The following RANBP17 variants were observed in gnomAD, a reference collection of about 807,000 sequenced individuals.
RANBP17 encodes the protein RAN binding protein 17.
A neutral mutation model predicts 141.2 loss-of-function variants in RANBP17; 158 were observed. That is an observed-to-expected ratio of 1.12 (90% confidence interval 0.98 to 1.28). RANBP17 has a LOEUF of 1.28. Among genes scored for constraint, RANBP17 ranks in the 50% most tolerant of loss-of-function variants. The pLI is 0.00. For missense variants in RANBP17, 1,438 were observed against 1,290.7 expected, an observed-to-expected ratio of 1.11 and a Z score of -1.75; for synonymous variants, 430 against 450.0, an observed-to-expected ratio of 0.96 and a Z score of 0.56.
chr5:170,895,699 C>T (rs1384633591), intron 4 of RANBP17, among the ~76,000 whole-genome samples: 1 of 152,058 alleles, frequency 6.6e-6, no homozygotes, highest in African/African-American at 2.4e-5. Context: ...TATTCTTATT[C>T]TTGGTCTTAT....
chr5:171,138,548 A>G (rs999550793), intron 14 of RANBP17, among the ~76,000 whole-genome samples: 3 of 151,896 alleles, frequency 2.0e-5, no homozygotes, highest in Non-Finnish European at 4.4e-5. Flanking sequence ...GCAAAAAAAA[A>G]AAAAAAAAGT....
At chr5:170,877,733 T>C (rs1003638897) in intron 1 of RANBP17, among the ~76,000 whole-genome samples, 1 of 152,174 alleles carries the variant, frequency 6.6e-6, no homozygotes, top group Admixed American at 6.5e-5. Flanking sequence ...TGAAGGACCC[T>C]GGTAAATGTT....
At chr5:170,914,724 A>AT (rs1223365484) in intron 8 of RANBP17, among the ~76,000 whole-genome samples, 3 of 152,114 alleles carry the variant, frequency 2.0e-5, no homozygotes, top group African/African-American at 7.2e-5. Flanking sequence ...TTATTTATTT[A>AT]TTTTTTGAAT....
Position 171,107,027 on chromosome 5 carries a change from T to C in RANBP17, c.1711-63103T>C, listed in dbSNP as rs568815879. Reference sequence around the variant, plus strand: ...GTTTAGGACCCACGTATCTTTTGTTTGTTTGTTGTTGTTGTTGTTGTTTTG... The same window carrying C: ...GTTTAGGACCCACGTATCTTTTGTTCGTTTGTTGTTGTTGTTGTTGTTTTG... On this transcript the variant is annotated intron_variant, in intron 14 of 27. Coordinates refer to ENST00000523189, the MANE Select transcript of RANBP17 (RefSeq NM_022897.5). Among the ~76,000 whole-genome samples, 11 of 83,642 alleles carry C rather than the reference T, an allele frequency of 1.3e-4. No homozygotes were observed. In the South Asian group the frequency reaches 6.1e-3, roughly 47 times the overall value. The allele number at this position is 83,642 out of a possible 152,430, so 54.9% of individuals were successfully genotyped here. A position where few individuals can be genotyped will look rare whatever the true frequency, so the allele number is the denominator to read the frequency against.
At chr5:171,075,085 T>C (rs1281963102) in intron 14 of RANBP17, among the ~76,000 whole-genome samples, 1 of 152,156 alleles carries the variant, frequency 6.6e-6, no homozygotes. Flanking sequence ...CAGCAGGATA[T>C]AAATAACTCC....
Position 171,028,122 on chromosome 5 carries a change from A to T in RANBP17, c.1710+59745A>T, listed in dbSNP as rs547919572. Among the ~76,000 whole-genome samples the T allele has an allele frequency of 5.9e-5, 9 of 152,250 alleles. No homozygotes were observed. In the South Asian group the frequency reaches 1.7e-3, roughly 28 times the overall value. ...ATGCTAGATTTATAAGGCACTACAA[A>T]AAAAAGCACTAAATAAATTTTTAAT... On this transcript the variant is annotated intron_variant, in intron 14 of 27. Coordinates refer to ENST00000523189, the MANE Select transcript of RANBP17 (RefSeq NM_022897.5).
intron 25 of RANBP17, among the ~76,000 whole-genome samples, chr5:171,267,200 ATTT>A (rs75633814): frequency 7.6e-6 from 1 of 131,946 alleles, no homozygotes. Context: ...CATCCAGCTA[ATTT>A]TTTTTTTTTT....
At chr5:171,027,682 A>G (rs1304508550) in intron 14 of RANBP17, among the ~76,000 whole-genome samples, 1 of 151,962 alleles carries the variant, frequency 6.6e-6, no homozygotes, top group African/African-American at 2.4e-5. Flanking sequence ...TAACTACTAA[A>G]CTTTGTAGCC....
chr5:171,139,266 T>C (rs1028345206), intron 14 of RANBP17, among the ~76,000 whole-genome samples: 1 of 152,280 alleles, frequency 6.6e-6, no homozygotes, highest in African/African-American at 2.4e-5. Flanking sequence ...AGATTAGAAT[T>C]CTTTTCTTAT....
At chr5:171,024,364 T>C (rs1373482750) in intron 14 of RANBP17, among the ~76,000 whole-genome samples, 1 of 152,166 alleles carries the variant, frequency 6.6e-6, no homozygotes, top group Non-Finnish European at 1.5e-5. Flanking sequence ...GTTTTGTAAA[T>C]AAGGTTTTAT....
intron 7 of RANBP17, 38 bp downstream of exon 7, chr5:170,911,172 A>C (rs1269433016): frequency 1.3e-6 from 2 of 1,569,240 alleles, no homozygotes; most frequent in Non-Finnish European, 1.8e-6. Context: ...CATCAACATA[A>C]AGGCACAGTA....
intron 8 of RANBP17, 34 bp downstream of exon 8, chr5:170,914,274 A>T (rs1002830412): frequency 8.7e-6 from 12 of 1,375,812 alleles, no homozygotes; most frequent in Non-Finnish European, 1.2e-5. Flanking sequence ...TCGTTAAAAA[A>T]TACCTGTGTA....
At chr5:170,872,883 G>A (rs1005752291) in intron 1 of RANBP17, among the ~76,000 whole-genome samples, 11 of 152,014 alleles carry the variant, frequency 7.2e-5, no homozygotes, top group African/African-American at 2.7e-4. Context: ...GGATGAAGTC[G>A]ACTTGATTGT....
chr5:171,051,326 C>G (rs1020738472), intron 14 of RANBP17, among the ~76,000 whole-genome samples: 1 of 152,126 alleles, frequency 6.6e-6, no homozygotes, highest in Non-Finnish European at 1.5e-5. Flanking sequence ...CCACCTCTCT[C>G]TAGTTTTAAA....
At chr5:170,895,723 C>T (rs2127391347) in intron 4 of RANBP17, among the ~76,000 whole-genome samples, 1 of 152,196 alleles carries the variant, frequency 6.6e-6, no homozygotes. Context: ...AGGTATTAAG[C>T]TAAATTCTTG....
chr5:171,128,618 A>G (rs191742115), intron 14 of RANBP17, among the ~76,000 whole-genome samples: 116 of 152,288 alleles, frequency 7.6e-4, no homozygotes, highest in African/African-American at 2.6e-3. Context: ...ATAACTACCA[A>G]CAATGTGTCA....
chr5:170,974,842 G>A (rs1777246031), intron 14 of RANBP17, among the ~76,000 whole-genome samples: 1 of 152,186 alleles, frequency 6.6e-6, no homozygotes, highest in Non-Finnish European at 1.5e-5. Flanking sequence ...CAGCCAAGGA[G>A]CACTGCATGA....
At chr5:170,870,856 A>G (rs143055071) in intron 1 of RANBP17, among the ~76,000 whole-genome samples, 1,651 of 152,234 alleles carry the variant, frequency 0.011, 25 homozygotes, top group African/African-American at 0.037. Flanking sequence ...AAGCATTTCT[A>G]TTTCTCCACA....
At chr5:171,035,074 T>C (rs1228205506) in intron 14 of RANBP17, among the ~76,000 whole-genome samples, 1 of 151,476 alleles carries the variant, frequency 6.6e-6, no homozygotes, top group Non-Finnish European at 1.5e-5. Flanking sequence ...AAAAATAAAA[T>C]GAAATTATAA....
Sources: allele counts gnomAD v4.1 joint callset (sites outside exome capture counted in the v4.1 genomes callset), GRCh38; gene constraint gnomAD v4.1.1; transcripts MANE v1.5; gene names NCBI Gene and HGNC (gene_info 2026-07-23, HGNC 2026-07-21).